BLTP2: variants seen among roughly 807,000 people sequenced by gnomAD.
BLTP2 encodes the protein U937-associated antigen.
At chr17:28,625,683 G>C in the BLTP2 span, among the ~76,000 whole-genome samples, 10,892 of 152,002 alleles carry the variant, frequency 0.072, 1,133 homozygotes, top group African/African-American at 0.23. Flanking sequence ...CCAACCAGTG[G>C]TCAGTTCACC....
the BLTP2 span, among the ~76,000 whole-genome samples, chr17:28,624,948 A>G: frequency 6.6e-6 from 1 of 152,178 alleles, no homozygotes; most frequent in Non-Finnish European, 1.5e-5. Context: ...CCAGAATCAG[A>G]CTAGTCTGCC....
At chr17:28,633,070 C>T in the BLTP2 span, 1 of 1,593,424 alleles carries the variant, frequency 6.3e-7, no homozygotes. Flanking sequence ...CAGAGTGACA[C>T]TATGGTGATC....
chr17:28,614,984 G>T, the BLTP2 span: 3 of 1,358,048 alleles, frequency 2.2e-6, no homozygotes, highest in Admixed American at 2.1e-5. Flanking sequence ...CGTGGATAAC[G>T]GGAAGCCCCT....
At chr17:28,624,036 A>T in the BLTP2 span, 21 of 1,455,264 alleles carry the variant, frequency 1.4e-5, no homozygotes, top group African/African-American at 2.8e-4. Context: ...TGTATCAACC[A>T]CTGCAGCTAG....
the BLTP2 span, among the ~76,000 whole-genome samples, chr17:28,617,839 A>C: frequency 6.6e-6 from 1 of 152,002 alleles, no homozygotes; most frequent in Admixed American, 6.6e-5. Context: ...GGCTCACCGC[A>C]ACATCCATCT....
the BLTP2 span, chr17:28,615,832 AG>A: frequency 6.2e-7 from 1 of 1,610,398 alleles, no homozygotes; most frequent in Non-Finnish European, 8.5e-7. Context: ...AGAAAAAAAG[AG>A]GGGTGGGGAA....
the BLTP2 span, chr17:28,616,806 T>C: frequency 6.2e-7 from 1 of 1,612,256 alleles, no homozygotes. This position sits in a 1 kb window ranked among gnomAD's most constrained non-coding sequence, Gnocchi z 4.8. Flanking sequence ...CATCATCAGT[T>C]TACCTACTCC....
At chr17:28,644,847 C>T in the BLTP2 span, 1 of 693,938 alleles carries the variant, frequency 1.4e-6, no homozygotes, top group Non-Finnish European at 2.4e-6. Flanking sequence ...CTCCCCTCGC[C>T]GCGCGCCCCC....
chr17:28,623,398 G>T, the BLTP2 span, among the ~76,000 whole-genome samples: 2 of 152,176 alleles, frequency 1.3e-5, no homozygotes, highest in African/African-American at 4.8e-5. Context: ...ATTTTCATGA[G>T]AGGACAGAGA....
At chr17:28,617,751 G>GT in the BLTP2 span, among the ~76,000 whole-genome samples, 1 of 151,988 alleles carries the variant, frequency 6.6e-6, no homozygotes, top group Non-Finnish European at 1.5e-5. Flanking sequence ...AAACTCACCT[G>GT]TATCTGTATC....
the BLTP2 span, chr17:28,620,053 G>C: frequency 1.3e-6 from 2 of 1,574,000 alleles, no homozygotes; most frequent in Non-Finnish European, 1.7e-6. Context: ...TGATTTTTAA[G>C]TAGACAAGTC....
the BLTP2 span, chr17:28,644,336 T>C: frequency 8.2e-6 from 7 of 849,960 alleles, no homozygotes; most frequent in Admixed American, 1.1e-4. Flanking sequence ...CTCTGTCATA[T>C]ACATTCAGCC....
At chr17:28,617,349 T>C in the BLTP2 span, 28 of 1,529,112 alleles carry the variant, frequency 1.8e-5, no homozygotes, top group Admixed American at 2.7e-4. Flanking sequence ...CCATCTACTA[T>C]AATAAACCTT....
At chr17:28,616,443 T>C in the BLTP2 span, 1 of 1,614,156 alleles carries the variant, frequency 6.2e-7, no homozygotes, top group South Asian at 1.1e-5. This position sits in a 1 kb window ranked among gnomAD's most constrained non-coding sequence, Gnocchi z 4.8. Context: ...TGCCACACCC[T>C]TCCCAGGGCC....
chr17:28,621,539 G>C, the BLTP2 span: 3 of 1,474,998 alleles, frequency 2.0e-6, no homozygotes, highest in Non-Finnish European at 2.8e-6. Flanking sequence ...CCTGGGAAAA[G>C]AGTGGCTTGT....
chr17:28,624,498 C>T, the BLTP2 span: 1 of 931,382 alleles, frequency 1.1e-6, no homozygotes, highest in Non-Finnish European at 1.6e-6. Context: ...TAGGTAAGAG[C>T]TTAGAATACA....
At chr17:28,618,678 A>T in the BLTP2 span, 1 of 788,254 alleles carries the variant, frequency 1.3e-6, no homozygotes. Context: ...TACTATCATT[A>T]ATAATCATAC....
the BLTP2 span, chr17:28,618,914 T>C: frequency 6.2e-7 from 1 of 1,614,200 alleles, no homozygotes; most frequent in African/African-American, 1.3e-5. Flanking sequence ...TCACATCTTC[T>C]TGCTGCTTTC....
the BLTP2 span, chr17:28,635,118 T>A: frequency 6.2e-7 from 1 of 1,613,006 alleles, no homozygotes; most frequent in Non-Finnish European, 8.5e-7. Flanking sequence ...CCACCGAGAC[T>A]GAGCCGAAAG....
Sources: allele counts gnomAD v4.1 joint callset (sites outside exome capture counted in the v4.1 genomes callset), GRCh38; gene constraint gnomAD v4.1.1; non-coding constraint Gnocchi (gnomAD v3.1); transcripts MANE v1.5; gene names NCBI Gene and HGNC (gene_info 2026-07-23, HGNC 2026-07-21).